FER: variants seen among roughly 807,000 people sequenced by gnomAD.
FER encodes the protein tyrosine-protein kinase Fer.
A neutral mutation model predicts 111.0 loss-of-function variants in FER; 63 were observed. The ratio of observed to expected loss-of-function variants is 0.57; its 90% CI spans 0.46 to 0.70. The LOEUF is 0.70. FER is among the 30% of genes least tolerant of loss of function. The pLI is 0.00. For missense variants in FER, 914 were observed against 954.0 expected, an observed-to-expected ratio of 0.96 and a Z score of 0.55; for synonymous variants, 327 against 313.9, an observed-to-expected ratio of 1.04 and a Z score of -0.44.
At chr5:108,968,002 A>G (rs1760123125) in intron 13 of FER, among the ~76,000 whole-genome samples, 1 of 151,978 alleles carries the variant, frequency 6.6e-6, no homozygotes, top group Non-Finnish European at 1.5e-5. Context: ...GCTATCACAT[A>G]GATTGTGGAG....
chr5:108,887,393 T>C (rs1405701209), intron 9 of FER, among the ~76,000 whole-genome samples: 1 of 151,576 alleles, frequency 6.6e-6, no homozygotes, highest in African/African-American at 2.4e-5. Context: ...TTGAATAATA[T>C]GAAGAGAAAA....
chr5:109,005,120 G>A (rs1401246398), intron 13 of FER, among the ~76,000 whole-genome samples: 1 of 151,904 alleles, frequency 6.6e-6, no homozygotes, highest in Non-Finnish European at 1.5e-5. Context: ...TTGCAAATGG[G>A]GCTGCCCATG....
intron 17 of FER, among the ~76,000 whole-genome samples, chr5:109,155,480 T>C (rs982322960): frequency 2.0e-4 from 31 of 151,750 alleles, no homozygotes; most frequent in Middle Eastern, 3.4e-3. Context: ...AATTCAAGAG[T>C]GACTAGGAAA....
chr5:109,155,551 A>G (rs188703339), intron 17 of FER, among the ~76,000 whole-genome samples: 206 of 151,954 alleles, frequency 1.4e-3, no homozygotes, highest in Non-Finnish European at 2.3e-3. Flanking sequence ...GTAAAAGAAA[A>G]CCTGCAAGTG....
chr5:109,170,726 T>C (rs1049633220), intron 17 of FER, among the ~76,000 whole-genome samples: 4 of 152,170 alleles, frequency 2.6e-5, no homozygotes, highest in Non-Finnish European at 2.9e-5. Flanking sequence ...GATACTTCCA[T>C]TGCTATAGTT....
intron 13 of FER, among the ~76,000 whole-genome samples, chr5:109,036,409 C>A (rs1275750432): frequency 6.6e-6 from 1 of 152,014 alleles, no homozygotes; most frequent in East Asian, 1.9e-4. Flanking sequence ...AGGTAAAGCA[C>A]TTCAAATAAC....
At chr5:109,111,976 CAT>C (rs773005348) in intron 17 of FER, among the ~76,000 whole-genome samples, 1 of 152,134 alleles carries the variant, frequency 6.6e-6, no homozygotes. Context: ...CTTATGGACA[CAT>C]ATTTTTATTA....
At chr5:109,007,771 A>G (rs1765687838) in intron 13 of FER, among the ~76,000 whole-genome samples, 1 of 152,174 alleles carries the variant, frequency 6.6e-6, no homozygotes, top group African/African-American at 2.4e-5. Context: ...TCGAGTATAT[A>G]CTTATGAATG....
chr5:109,042,318 C>T (rs1249141073), intron 14 of FER, among the ~76,000 whole-genome samples: 1 of 152,070 alleles, frequency 6.6e-6, no homozygotes, highest in Non-Finnish European at 1.5e-5. Flanking sequence ...AGAAAGGTTA[C>T]CCTGATTCAG....
intron 13 of FER, among the ~76,000 whole-genome samples, chr5:108,961,352 C>G (rs1759124772): frequency 6.6e-6 from 1 of 152,168 alleles, no homozygotes; most frequent in East Asian, 1.9e-4. Context: ...ATGAGTTTGA[C>G]TAGGAATACA....
intron 13 of FER, among the ~76,000 whole-genome samples, chr5:108,965,677 A>C (rs749606968): frequency 2.6e-5 from 4 of 152,144 alleles, no homozygotes; most frequent in Non-Finnish European, 4.4e-5. Context: ...ATCATCTTTT[A>C]ATTACAACTC....
At chr5:109,051,951 C>G (rs1772896775) in intron 16 of FER, 1 of 1,590,258 alleles carries the variant, frequency 6.3e-7, no homozygotes, top group Admixed American at 1.7e-5. Flanking sequence ...ACTGGATCAG[C>G]AAGGTCACCT....
intron 3 of FER, among the ~76,000 whole-genome samples, chr5:108,809,957 C>G (rs993357169): frequency 6.6e-6 from 1 of 152,190 alleles, no homozygotes; most frequent in African/African-American, 2.4e-5. Flanking sequence ...GATGTCACTA[C>G]ATTCACATTT....
chr5:109,084,855 C>A (rs1777381615), intron 16 of FER, among the ~76,000 whole-genome samples: 1 of 151,868 alleles, frequency 6.6e-6, no homozygotes, highest in Non-Finnish European at 1.5e-5. Flanking sequence ...TAAAAGACTT[C>A]CCTTTCCTCA....
rs1387247826 is a variant in FER, at chr5:108,872,132, T to C, written c.843T>C (p.Thr281=). 6.2e-7 allele frequency: 1 copy of C among 1,611,464 alleles called. No individual in the cohort carries two copies. Among genetic ancestry groups the C allele is most frequent in the African/African-American group, 1.3e-5 (1 of 74,828 alleles). Residue 281 remains threonine (T), a synonymous_variant, in exon 8 of 20, where the codon ACT becomes ACC. Coordinates refer to ENST00000281092, the MANE Select transcript of FER (RefSeq NM_005246.4). ...AAGAACAAGAAATAGAGTTTGATAC[T>C]TCCTTACTGGAAGAAAATGAAAATC... ...AAKEQEIEFD[T]SLLEENENLQ...
chr5:109,120,542 C>T (rs1048605081), intron 17 of FER, among the ~76,000 whole-genome samples: 1 of 151,962 alleles, frequency 6.6e-6, no homozygotes, highest in Non-Finnish European at 1.5e-5. Context: ...GTGTTTCCTC[C>T]AATTCTGTTC....
intron 10 of FER, among the ~76,000 whole-genome samples, chr5:108,927,964 A>G (rs776517199): frequency 6.6e-6 from 1 of 152,220 alleles, no homozygotes; most frequent in Non-Finnish European, 1.5e-5. Context: ...TACTTTACTT[A>G]TGAATTTCAT....
intron 17 of FER, among the ~76,000 whole-genome samples, chr5:109,115,277 A>G (rs1346107205): frequency 6.6e-6 from 1 of 152,128 alleles, no homozygotes; most frequent in Non-Finnish European, 1.5e-5. Context: ...TAGGAAAAAG[A>G]TATAAAATTA....
chr5:109,181,934 C>T (rs4501376), intron 18 of FER, among the ~76,000 whole-genome samples: 62,327 of 152,020 alleles, frequency 0.41, 13,015 homozygotes, highest in South Asian at 0.47. Context: ...CCCTAGTAGC[C>T]ACCAATCTGC....
Sources: gnomAD v4.1 joint callset for allele counts (sites outside exome capture counted in the v4.1 genomes callset) on GRCh38, gnomAD v4.1.1 for gene constraint, MANE v1.5 for transcripts, NCBI Gene and HGNC (gene_info 2026-07-23, HGNC 2026-07-21) for gene names.